The following CDCA7L variants were observed in gnomAD, a reference collection of about 807,000 sequenced individuals.
CDCA7L encodes cell division cycle associated 7 like, also known as cell division cycle-associated 7-like protein.
In CDCA7L, 44 loss-of-function variants were observed where a neutral mutation model predicts 57.4. The ratio of observed to expected loss-of-function variants is 0.77; its 90% CI spans 0.60 to 0.98. The LOEUF is 0.98. Ranked by LOEUF, CDCA7L falls within the 50% of genes least tolerant of loss-of-function variation. The pLI, the probability that CDCA7L is intolerant of heterozygous loss-of-function variation, is 0.00. For synonymous variants in CDCA7L, 236 were observed against 202.8 expected (o/e 1.16, Z -1.39); for missense variants, 644 against 580.6 (o/e 1.11, Z -1.12).
intron 1 of CDCA7L, among the ~76,000 whole-genome samples, chr7:21,925,879 T>C (rs1274429434): frequency 6.6e-6 from 1 of 151,832 alleles, no homozygotes; most frequent in Non-Finnish European, 1.5e-5. Context: ...TCTCAAACAA[T>C]TAAAGAAGAA....
At chr7:21,904,530 T>TGTCA (rs1785069813) in intron 7 of CDCA7L, among the ~76,000 whole-genome samples, 1 of 152,190 alleles carries the variant, frequency 6.6e-6, no homozygotes, top group Non-Finnish European at 1.5e-5. Flanking sequence ...CTCTGCCTCC[T>TGTCA]GTCAGATCAG....
chr7:21,902,442 A>G, intron 9 of CDCA7L, 90 bp from the exon 10 acceptor site: 1 of 1,265,298 alleles, frequency 7.9e-7, no homozygotes, highest in Non-Finnish European at 1.2e-6. Context: ...ATCTAAGAGT[A>G]CAAAGCCAGA....
chr7:21,945,679 A>G, intron 1 of CDCA7L, 102 bp downstream of exon 1: 2 of 1,452,694 alleles, frequency 1.4e-6, no homozygotes, highest in Non-Finnish European at 1.9e-6. Flanking sequence ...CCAGTGCCGC[A>G]GCCAAGGGCC....
chr7:21,943,824 T>C (rs1209602738), intron 1 of CDCA7L, among the ~76,000 whole-genome samples: 1 of 152,202 alleles, frequency 6.6e-6, no homozygotes, highest in Admixed American at 6.5e-5. Context: ...CCCTACATGA[T>C]AAATAGTTTA....
At chr7:21,909,336 T>C (rs1785240492) in intron 3 of CDCA7L, among the ~76,000 whole-genome samples, 1 of 152,164 alleles carries the variant, frequency 6.6e-6, no homozygotes, top group South Asian at 2.1e-4. Flanking sequence ...GGACGTCTTC[T>C]GGGCATCCTT....
At chr7:21,906,981 A>G (rs1343830422) in intron 4 of CDCA7L, among the ~76,000 whole-genome samples, 1 of 152,166 alleles carries the variant, frequency 6.6e-6, no homozygotes, top group East Asian at 1.9e-4. Context: ...GGGACAATTC[A>G]TTTTGCACAC....
chr7:21,918,570 G>C (rs1785560071), intron 1 of CDCA7L, among the ~76,000 whole-genome samples: 1 of 152,166 alleles, frequency 6.6e-6, no homozygotes, highest in Non-Finnish European at 1.5e-5. Flanking sequence ...CTTGACTGTG[G>C]AGTCTGTCCA....
At position 21,902,959 on chromosome 7, in the gene CDCA7L, C is replaced by A; in HGVS notation, c.1334+19G>T. The A allele has an allele frequency of 6.2e-7, 1 of 1,609,798 alleles. No homozygotes were observed. The highest frequency in any genetic ancestry group is 8.5e-7 in the Non-Finnish European group (1 of 1,177,298). ...TCAAGATTTCAAGCTGTTTTGTAAG[C>A]TGCTAGAGACTTACTTACCTCTCCA... On this transcript the variant is annotated intron_variant, in intron 9 of 9. Coordinates refer to ENST00000406877, the MANE Select transcript of CDCA7L (RefSeq NM_018719.5).
At chr7:21,909,864 A>T (rs1411078330) in intron 3 of CDCA7L, among the ~76,000 whole-genome samples, 2 of 152,140 alleles carry the variant, frequency 1.3e-5, no homozygotes, top group African/African-American at 4.8e-5. Context: ...AGTGTAGTAC[A>T]TGGATGTGGT....
intron 1 of CDCA7L, among the ~76,000 whole-genome samples, chr7:21,932,109 C>G (rs775961796): frequency 6.6e-6 from 1 of 152,110 alleles, no homozygotes; most frequent in Non-Finnish European, 1.5e-5. Flanking sequence ...AGTGAAGGAT[C>G]TCTTTAAGGA....
At chr7:21,922,480 G>T (rs575168996) in intron 1 of CDCA7L, among the ~76,000 whole-genome samples, 2 of 152,146 alleles carry the variant, frequency 1.3e-5, no homozygotes, top group Non-Finnish European at 2.9e-5. Context: ...AACATTCCCA[G>T]AGAACCTGAG....
chr7:21,910,208 A>G (rs1390186238), intron 3 of CDCA7L, among the ~76,000 whole-genome samples: 1 of 152,222 alleles, frequency 6.6e-6, no homozygotes, highest in Non-Finnish European at 1.5e-5. Context: ...AAATAAGTAC[A>G]TTGCTAACTG....
chr7:21,929,076 A>G (rs1452769971), intron 1 of CDCA7L, among the ~76,000 whole-genome samples: 1 of 152,196 alleles, frequency 6.6e-6, no homozygotes, highest in African/African-American at 2.4e-5. Context: ...GTTAACCACA[A>G]AGGGAAGCCC....
intron 1 of CDCA7L, among the ~76,000 whole-genome samples, chr7:21,921,608 T>C (rs1251964605): frequency 2.0e-5 from 3 of 151,388 alleles, no homozygotes; most frequent in South Asian, 2.1e-4. Flanking sequence ...TTTTTTTTTT[T>C]CAAAGTTTGT....
At chr7:21,932,451 G>C (rs143007307) in intron 1 of CDCA7L, among the ~76,000 whole-genome samples, 11,535 of 152,076 alleles carry the variant, frequency 0.076, 1,431 homozygotes, top group African/African-American at 0.26. Context: ...TACCAAAACA[G>C]ATATACAGAC....
At position 21,945,855 on chromosome 7, in the gene CDCA7L, G is replaced by T; in HGVS notation, c.-51C>A. 6.4e-7 allele frequency: 1 copy of T among 1,571,800 alleles called. No individual in the cohort carries two copies. The highest frequency in any genetic ancestry group is 1.9e-4 in the Middle Eastern group (1 of 5,326). ...TCCCAGCACGCGGCCACGGGAGCCC[G>T]GACTCACCACGGCCCGGCGCACCAA... On this transcript the variant is annotated 5_prime_UTR_variant, in exon 1 of 10. Transcript: ENST00000406877.
chr7:21,902,964 A>G lies in CDCA7L; in HGVS notation c.1334+14T>C, dbSNP rs776411182. ...ATTTCAAGCTGTTTTGTAAGCTGCTAGAGACTTACTTACCTCTCCAGATAT... is the reference window on the plus strand; with the variant it reads ...ATTTCAAGCTGTTTTGTAAGCTGCTGGAGACTTACTTACCTCTCCAGATAT... On this transcript the variant is annotated intron_variant, in intron 9 of 9. Coordinates refer to ENST00000406877, the MANE Select transcript of CDCA7L (RefSeq NM_018719.5). 2 of 1,612,098 alleles carry G rather than the reference A, an allele frequency of 1.2e-6. No homozygotes were observed. The highest frequency in any genetic ancestry group is 1.7e-6 in the Non-Finnish European group (2 of 1,178,758).
At chr7:21,929,315 T>C (rs1300104882) in intron 1 of CDCA7L, among the ~76,000 whole-genome samples, 1 of 152,020 alleles carries the variant, frequency 6.6e-6, no homozygotes, top group African/African-American at 2.4e-5. Context: ...GCACTAAACA[T>C]GGAAACGAAA....
chr7:21,923,688 G>A (rs953755664), intron 1 of CDCA7L, among the ~76,000 whole-genome samples: 1 of 152,160 alleles, frequency 6.6e-6, no homozygotes, highest in African/African-American at 2.4e-5. Context: ...CATTGTAGGT[G>A]CCAAGGCTTC....
Sources: gnomAD v4.1 joint callset for allele counts (sites outside exome capture counted in the v4.1 genomes callset) on GRCh38, gnomAD v4.1.1 for gene constraint, MANE v1.5 for transcripts, NCBI Gene and HGNC (gene_info 2026-07-23, HGNC 2026-07-21) for gene names.